Variants in KIF11 observed in about 807,000 individuals in gnomAD.
The protein encoded by KIF11 is kinesin family member 11.
In KIF11, 9 loss-of-function variants were observed where a neutral mutation model predicts 121.0. The observed-to-expected ratio is 0.07, with a 90% confidence interval of 0.04 to 0.13. KIF11 has a LOEUF of 0.13. Among genes scored for constraint, KIF11 ranks in the 10% least tolerant of loss-of-function variants. The probability of loss-of-function intolerance (pLI) is 1.00; values close to 1 mark genes in which losing one functional copy is unlikely to be tolerated. For missense variants in KIF11, 846 were observed against 1,217.5 expected (o/e 0.69, Z 4.54); for synonymous variants, 408 against 421.0 (o/e 0.97, Z 0.38).
intron 12 of KIF11, among the ~76,000 whole-genome samples, chr10:92,631,344 A>C (rs181987564): frequency 2.7e-5 from 4 of 149,560 alleles, no homozygotes; most frequent in African/African-American, 9.9e-5. Context: ...AAAGATGTTG[A>C]AAGTATTTAA....
rs377212146 is a variant in KIF11, at chr10:92,631,950, C to CA, written c.1495-535dup. Among the ~76,000 whole-genome samples the CA allele has an allele frequency of 2.6e-3, 390 of 152,190 alleles. 1 individual carries two copies. Among genetic ancestry groups the CA allele is most frequent in the African/African-American group, 9.0e-3 (374 of 41,520 alleles). On this transcript the variant is annotated intron_variant, in intron 12 of 21. Coordinates refer to ENST00000260731, the MANE Select transcript of KIF11 (RefSeq NM_004523.4). ...TAGGCCTCCCAGAGCGTTGGGATTACAGGTGTAAGCCACCACGTCCGGCCA... is the reference window on the plus strand; with the variant it reads ...TAGGCCTCCCAGAGCGTTGGGATTACAAGGTGTAAGCCACCACGTCCGGCCA...
In KIF11 at chr10:92,613,144, T is replaced by A; in HGVS notation, c.789+14T>A. 6.4e-7 allele frequency: 1 copy of A among 1,568,396 alleles called. No individual in the cohort carries two copies. Among genetic ancestry groups the A allele is most frequent in the Non-Finnish European group, 8.8e-7 (1 of 1,140,748 alleles). ...AAGTTGAACTTGGTAAGCATCCACC[T>A]TAATACTACTGTTTCACTCTTAAAC... On this transcript the variant is annotated intron_variant, in intron 7 of 21. Transcript: ENST00000260731. The surrounding 1 kb of genome is among the most constrained non-coding windows in gnomAD (Gnocchi z 4.2).
chr10:92,593,767 C>T (rs1183024028), intron 1 of KIF11, among the ~76,000 whole-genome samples: 2 of 152,120 alleles, frequency 1.3e-5, no homozygotes, highest in African/African-American at 4.8e-5. Flanking sequence ...AGACTGAATA[C>T]CTATTTTGCA....
chr10:92,648,108 C>CAAAAAAA lies in KIF11; in HGVS notation c.2548-96_2548-90dup, dbSNP rs34357393. 261 of 685,412 alleles carry CAAAAAAA rather than the reference C, an allele frequency of 3.8e-4. 1 individual carries two copies. The African/African-American group carries it at 5.3e-3, about 14-fold the overall frequency. 42.5% of individuals were successfully genotyped at this position (685,412 alleles called of 1,614,324 possible). A position where few individuals can be genotyped will look rare whatever the true frequency, so the allele number is the denominator to read the frequency against. ...TGGGCAACAGAGTGAGACTTGTCTC[C>CAAAAAAA]AAAAAAAAAAAAAATTATGGAAAAG... On this transcript the variant is annotated intron_variant, in intron 18 of 21. Transcript: ENST00000260731.
In KIF11 at chr10:92,621,266, ACTT is replaced by A. The variant is rs1378511087; in HGVS notation, c.1129-115_1129-113del. On this transcript the variant is annotated intron_variant, in intron 9 of 21. Transcript: ENST00000260731. Reference sequence around the variant, plus strand: ...AAGTATGGTTATAACTTTTTATCATACTTCTTTAAGTTTTAAAAGACATAAAAA... The same window carrying A: ...AAGTATGGTTATAACTTTTTATCATACTTTAAGTTTTAAAAGACATAAAAA... 29 of 524,496 alleles carry A rather than the reference ACTT, an allele frequency of 5.5e-5. No individual in the cohort carries two copies. In the East Asian group the frequency reaches 7.9e-4, roughly 14 times the overall value. The allele number at this position is 524,496 out of a possible 1,614,324, so 32.5% of individuals were successfully genotyped here.
At position 92,632,753 on chromosome 10, in the gene KIF11, C is replaced by T. The variant is rs575876228; in HGVS notation, c.1702+60C>T. On this transcript the variant is annotated intron_variant, in intron 13 of 21. Transcript: ENST00000260731. Reference sequence around the variant, plus strand: ...GTTAAGTGTAATGTTGATTTCAAAACTGATAATTTTGTGAAACATAGATGA... The same window carrying T: ...GTTAAGTGTAATGTTGATTTCAAAATTGATAATTTTGTGAAACATAGATGA... 45 of 821,456 alleles carry T rather than the reference C, an allele frequency of 5.5e-5. No individual in the cohort carries two copies. The East Asian group carries it at 1.4e-3, about 26-fold the overall frequency. The allele number at this position is 821,456 out of a possible 1,614,324, so 50.9% of individuals were successfully genotyped here.
At chr10:92,636,978 A>C (rs1024547770) in intron 14 of KIF11, among the ~76,000 whole-genome samples, 1 of 146,366 alleles carries the variant, frequency 6.8e-6, no homozygotes, top group Non-Finnish European at 1.5e-5. Context: ...GGTTGCAGTG[A>C]GCCAAGATGT....
At chr10:92,631,523 G>A (rs1455598307) in intron 12 of KIF11, among the ~76,000 whole-genome samples, 12 of 148,624 alleles carry the variant, frequency 8.1e-5, no homozygotes, top group East Asian at 2.0e-4. Context: ...CACCGCGCCC[G>A]GCTAATTTTT....
In KIF11 at chr10:92,630,374, T is replaced by G. The variant is rs779621928; in HGVS notation, c.1494+10T>G. The stretch of plus-strand genomic sequence containing the variant: ...TGATGCTGCCAGCAAGGTTTGTCCC[T>G]TGTGTTGATTTGTACTCATATTAAG... On this transcript the variant is annotated intron_variant, in intron 12 of 21. Coordinates refer to ENST00000260731, the MANE Select transcript of KIF11 (RefSeq NM_004523.4). 8 of 1,524,682 alleles carry G rather than the reference T, an allele frequency of 5.2e-6. No homozygotes were observed. Among genetic ancestry groups the G allele is most frequent in the Non-Finnish European group, 7.0e-6 (8 of 1,141,310 alleles). 94.4% of individuals were successfully genotyped at this position (1,524,682 alleles called of 1,614,324 possible). A position where few individuals can be genotyped will look rare whatever the true frequency, so the allele number is the denominator to read the frequency against.
chr10:92,611,859 A>G (rs1258586121), intron 6 of KIF11, among the ~76,000 whole-genome samples: 2 of 152,206 alleles, frequency 1.3e-5, no homozygotes, highest in East Asian at 3.9e-4. Context: ...AGATCATGCC[A>G]TTGCACTCTA....
At chr10:92,611,037 G>A (rs546563392) in intron 6 of KIF11, among the ~76,000 whole-genome samples, 19 of 151,674 alleles carry the variant, frequency 1.3e-4, no homozygotes, top group Middle Eastern at 3.4e-3. Flanking sequence ...CTTTTTTCTT[G>A]TATGTAGACT....
chr10:92,637,038 A>G (rs1844810509), intron 14 of KIF11, 146 bp from the exon 15 acceptor site: 1 of 638,102 alleles, frequency 1.6e-6, no homozygotes, highest in Non-Finnish European at 2.4e-6. Context: ...GTCTCAAAAA[A>G]AAAAAAAAAA....
intron 17 of KIF11, among the ~76,000 whole-genome samples, chr10:92,644,835 TAATATTATATCA>T (rs1447178696): frequency 6.6e-6 from 1 of 152,234 alleles, no homozygotes; most frequent in Non-Finnish European, 1.5e-5. Context: ...TAACCAACAT[TAATATTATATCA>T]AGTTTATGTT....
intron 1 of KIF11, among the ~76,000 whole-genome samples, chr10:92,603,877 GAGC>G (rs1185457553): frequency 1.3e-5 from 2 of 152,146 alleles, no homozygotes; most frequent in African/African-American, 2.4e-5. Context: ...AAAGCTCCCT[GAGC>G]ACAGGATTTT....
intron 1 of KIF11, among the ~76,000 whole-genome samples, chr10:92,604,634 G>C (rs1844409736): frequency 6.6e-6 from 1 of 152,170 alleles, no homozygotes; most frequent in African/African-American, 2.4e-5. Context: ...CTTAGAGTGG[G>C]CTGTGCCAGG....
At chr10:92,603,602 T>G (rs773853492) in intron 1 of KIF11, among the ~76,000 whole-genome samples, 7 of 152,172 alleles carry the variant, frequency 4.6e-5, no homozygotes, top group Non-Finnish European at 1.0e-4. Context: ...TCTGCCCACC[T>G]TGGCCTCCCA....
At position 92,606,255 on chromosome 10, in the gene KIF11, C is replaced by G. The variant is rs1390516528; in HGVS notation, c.78-10C>G. 6.3e-7 allele frequency: 1 copy of G among 1,575,426 alleles called. No homozygotes were observed. Among genetic ancestry groups the G allele is most frequent in the Non-Finnish European group, 8.6e-7 (1 of 1,168,026 alleles). On this transcript the variant is annotated splice_polypyrimidine_tract_variant and intron_variant, in intron 1 of 21. Coordinates refer to ENST00000260731, the MANE Select transcript of KIF11 (RefSeq NM_004523.4). ...AGCTCTTGAATGACTTTGTGTATTT[C>G]TTTTTATAGACCATTTAATTTGGCA...
At chr10:92,610,422 A>G (rs2042370436) in intron 6 of KIF11, among the ~76,000 whole-genome samples, 1 of 152,146 alleles carries the variant, frequency 6.6e-6, no homozygotes, top group South Asian at 2.1e-4. Flanking sequence ...ATTCATTGAG[A>G]TATAAAATCC....
At chr10:92,647,895 G>C (rs1346151110) in intron 18 of KIF11, among the ~76,000 whole-genome samples, 1 of 152,062 alleles carries the variant, frequency 6.6e-6, no homozygotes, top group African/African-American at 2.4e-5. Flanking sequence ...GATTGCTTGA[G>C]CCCAGGAGTT....
Sources: gnomAD v4.1 joint callset for allele counts (sites outside exome capture counted in the v4.1 genomes callset) on GRCh38, gnomAD v4.1.1 for gene constraint, Gnocchi (gnomAD v3.1) non-coding constraint, MANE v1.5 for transcripts, NCBI Gene and HGNC (gene_info 2026-07-23, HGNC 2026-07-21) for gene names.